Variants in RHPN2 observed in about 807,000 individuals in gnomAD.
RHPN2 encodes rhophilin Rho GTPase binding protein 2.
Under a neutral mutation model 79.0 loss-of-function variants are expected in RHPN2, and 40 were observed. That is an observed-to-expected ratio of 0.51 (90% confidence interval 0.39 to 0.66). The LOEUF (loss-of-function observed/expected upper bound fraction) is 0.66, where lower values mean the gene tolerates loss of function less well. Among genes scored for constraint, RHPN2 ranks in the 30% least tolerant of loss-of-function variants. RHPN2 has a pLI of 0.00. For synonymous variants in RHPN2, 285 were observed against 363.5 expected, an observed-to-expected ratio of 0.78 and a Z score of 2.46; for missense variants, 686 against 883.5, an observed-to-expected ratio of 0.78 and a Z score of 2.83.
chr19:32,993,826 C>A lies in RHPN2; in HGVS notation c.1497+151G>T, dbSNP rs1386906130. The A allele has an allele frequency of 2.6e-5, 17 of 663,716 alleles. No individual in the cohort carries two copies. The East Asian group carries it at 4.2e-4, about 16-fold the overall frequency. 41.1% of individuals were successfully genotyped at this position (663,716 alleles called of 1,614,324 possible). On this transcript the variant is annotated intron_variant, in intron 12 of 14. Transcript: ENST00000254260. ...CATACCTTGGTCTTGGACTTCCCAG[C>A]CTCCGGAACTAAGAAATATATTTCT... is the stretch of plus-strand genomic sequence containing the variant.
rs528367793 is a variant in RHPN2 at position 33,025,106 on chromosome 19, T to G, written c.314+1398A>C. Among the ~76,000 whole-genome samples the G allele has an allele frequency of 4.3e-4, 66 of 152,214 alleles. 1 individual carries two copies. In the South Asian group the frequency reaches 0.013, roughly 31 times the overall value. ...TGTATTGCAATTCTGAGGGATGGTG[T>G]TGTTGGCTTTCACGTTGAAGAAATC... is the stretch of plus-strand genomic sequence containing the variant. On this transcript the variant is annotated intron_variant, in intron 3 of 14. Transcript: ENST00000254260.
chr19:32,993,994 C>T lies in RHPN2; in HGVS notation c.1480G>A (p.Asp494Asn). The T allele has an allele frequency of 5.0e-6, 8 of 1,612,968 alleles. No homozygotes were observed. Among genetic ancestry groups the T allele is most frequent in the Non-Finnish European group, 6.8e-6 (8 of 1,179,020 alleles). ...CAACATACCAGCTTCTGGAAGAAGT[C>T]CGTGACTGTCAGCTTGGAGAACTGG... ...LPQFSKLTVT[D>N]FFQKLGPLSV... is the part of the protein sequence containing the mutation. The change falls in exon 12 of 15, where the codon GAC becomes AAC. Residue 494 changes from aspartate to asparagine, a missense_variant. Asp to Asn is a conservative substitution (Grantham distance 23). Coordinates refer to ENST00000254260, the MANE Select transcript of RHPN2 (RefSeq NM_033103.5).
At chr19:33,041,410 C>T (rs149462137) in intron 2 of RHPN2, among the ~76,000 whole-genome samples, 1 of 152,306 alleles carries the variant, frequency 6.6e-6, no homozygotes, top group East Asian at 1.9e-4. Flanking sequence ...ACCGTTGGTG[C>T]TTGTTGAGTC....
intron 1 of RHPN2, among the ~76,000 whole-genome samples, chr19:33,045,492 T>C (rs1972135181): frequency 6.6e-6 from 1 of 151,406 alleles, no homozygotes; most frequent in Non-Finnish European, 1.5e-5. Flanking sequence ...TTTTTTTTTT[T>C]AGATGGAGTC....
intron 2 of RHPN2, among the ~76,000 whole-genome samples, chr19:33,032,130 C>T (rs1164055280): frequency 6.7e-6 from 1 of 149,460 alleles, no homozygotes; most frequent in Non-Finnish European, 1.5e-5. Flanking sequence ...AAGCAATTCT[C>T]CTGCCTCAGG....
intron 2 of RHPN2, among the ~76,000 whole-genome samples, chr19:33,043,276 C>T (rs116169530): frequency 0.018 from 2,732 of 152,180 alleles, 49 homozygotes; most frequent in African/African-American, 0.053. Flanking sequence ...TGACGCCAGA[C>T]GCAGTAGCTC....
At chr19:32,986,653 G>T (rs1377711517) in intron 14 of RHPN2, among the ~76,000 whole-genome samples, 1 of 151,812 alleles carries the variant, frequency 6.6e-6, no homozygotes, top group Non-Finnish European at 1.5e-5. Context: ...AATTAGCCAG[G>T]CATAGTGGTG....
chr19:32,988,005 G>T (rs534647949), intron 14 of RHPN2, among the ~76,000 whole-genome samples: 1 of 151,800 alleles, frequency 6.6e-6, no homozygotes, highest in East Asian at 1.9e-4. Flanking sequence ...ATATATAAAG[G>T]CCCCATCTCT....
chr19:32,980,544 G>A (rs1971566106), intron 14 of RHPN2, among the ~76,000 whole-genome samples: 1 of 152,160 alleles, frequency 6.6e-6, no homozygotes, highest in Non-Finnish European at 1.5e-5. Flanking sequence ...GGTGGAGGTT[G>A]CAGTGAGCTG....
intron 1 of RHPN2, among the ~76,000 whole-genome samples, chr19:33,060,122 C>T (rs758616116): frequency 3.9e-5 from 6 of 152,190 alleles, no homozygotes; most frequent in Admixed American, 1.3e-4. Context: ...CTTGAGGAGG[C>T]GCATGACCAG....
intron 6 of RHPN2, among the ~76,000 whole-genome samples, chr19:33,008,577 G>A (rs767040031): frequency 1.5e-4 from 23 of 151,918 alleles, no homozygotes; most frequent in Non-Finnish European, 2.8e-4. Context: ...TGAGACCAGC[G>A]TGGCCAACAT....
At chr19:33,032,239 C>T (rs1446176781) in intron 2 of RHPN2, among the ~76,000 whole-genome samples, 4 of 151,350 alleles carry the variant, frequency 2.6e-5, no homozygotes, top group African/African-American at 7.3e-5. Context: ...CTGGTCTCCA[C>T]CTCCTGACCT....
chr19:33,036,956 C>T (rs989666369), intron 2 of RHPN2, among the ~76,000 whole-genome samples: 1 of 151,934 alleles, frequency 6.6e-6, no homozygotes, highest in Non-Finnish European at 1.5e-5. Context: ...CCAGTCCTAT[C>T]GACCGACCAC....
chr19:32,984,925 A>G (rs1971603021), intron 14 of RHPN2, among the ~76,000 whole-genome samples: 1 of 151,632 alleles, frequency 6.6e-6, no homozygotes, highest in Non-Finnish European at 1.5e-5. Context: ...CTGGGCAACA[A>G]AATGAGACTG....
At chr19:32,992,019 G>T (rs1171724088) in intron 12 of RHPN2, 50 bp from the exon 13 acceptor site, 2 of 1,608,874 alleles carry the variant, frequency 1.2e-6, no homozygotes, top group African/African-American at 1.3e-5. Context: ...TGGATCAGAC[G>T]CTTGAAAGCT....
intron 1 of RHPN2, among the ~76,000 whole-genome samples, chr19:33,060,984 G>C (rs980687412): frequency 5.9e-5 from 9 of 152,094 alleles, no homozygotes; most frequent in African/African-American, 2.2e-4. Context: ...CACCATTCAC[G>C]TGTCAAAGCG....
chr19:33,047,481 C>G (rs901696990), intron 1 of RHPN2, among the ~76,000 whole-genome samples: 35 of 152,162 alleles, frequency 2.3e-4, no homozygotes, highest in African/African-American at 8.4e-4. Flanking sequence ...AGCCTCAGGA[C>G]CTGGGATACG....
At chr19:33,029,237 C>G (rs550643167) in intron 2 of RHPN2, among the ~76,000 whole-genome samples, 1 of 151,844 alleles carries the variant, frequency 6.6e-6, no homozygotes, top group South Asian at 2.1e-4. Context: ...AATAAAAGTC[C>G]AGGAATAGGC....
intron 13 of RHPN2, 78 bp from the exon 14 acceptor site, chr19:32,990,747 T>C: frequency 1.9e-6 from 3 of 1,572,256 alleles, no homozygotes; most frequent in Non-Finnish European, 2.6e-6. Flanking sequence ...ACAAAATAGG[T>C]ATTTGCGTAA....
Sources: allele counts gnomAD v4.1 joint callset (sites outside exome capture counted in the v4.1 genomes callset), GRCh38; gene constraint gnomAD v4.1.1; transcripts MANE v1.5; gene names NCBI Gene and HGNC (gene_info 2026-07-23, HGNC 2026-07-21).